MTR: variants seen among roughly 807,000 people sequenced by gnomAD.
The protein encoded by MTR is methionine synthase.
In MTR, 84 loss-of-function variants were observed where a neutral mutation model predicts 154.8. The ratio of observed to expected loss-of-function variants is 0.54; its 90% confidence interval spans 0.45 to 0.65. MTR has a LOEUF of 0.65. MTR is among the 30% of genes least tolerant of loss of function. MTR has a pLI of 0.00. For synonymous variants in MTR, 554 were observed against 553.9 expected (o/e 1.00, Z 0.00); for missense variants, 1,275 against 1,570.2 (o/e 0.81, Z 3.18).
intron 29 of MTR, among the ~76,000 whole-genome samples, chr1:236,892,825 C>T (rs1666405950): frequency 6.6e-6 from 1 of 152,198 alleles, no homozygotes; most frequent in Non-Finnish European, 1.5e-5. Context: ...TCTTTCAAGT[C>T]CTGTGTCCTC....
At chr1:236,795,285 T>G (rs756526361), upstream of MTR, 139 of 1,201,300 alleles carry the variant, frequency 1.2e-4, no homozygotes, top group Non-Finnish European at 1.4e-4. Context: ...GAGGATAGAT[T>G]GAGCGCAGAA....
intron 22 of MTR, 39 bp from the exon 23 acceptor site, chr1:236,873,734 C>T: frequency 6.4e-7 from 1 of 1,551,500 alleles, no homozygotes; most frequent in South Asian, 1.1e-5. Flanking sequence ...CTCTAATGGG[C>T]TTTCATTAAT....
intron 28 of MTR, among the ~76,000 whole-genome samples, chr1:236,890,785 T>C (rs751111493): frequency 3.9e-5 from 6 of 152,200 alleles, no homozygotes; most frequent in Non-Finnish European, 7.3e-5. Context: ...TGGAGTTGTA[T>C]GTGCACGAGG....
chr1:236,796,251 A>G (rs1660382668), intron 1 of MTR, among the ~76,000 whole-genome samples: 2 of 152,222 alleles, frequency 1.3e-5, no homozygotes, highest in African/African-American at 4.8e-5. Context: ...TAGACTCACT[A>G]TGTTAAAATA....
chr1:236,824,926 G>C (rs969877801), intron 9 of MTR, among the ~76,000 whole-genome samples: 1 of 152,150 alleles, frequency 6.6e-6, no homozygotes, highest in African/African-American at 2.4e-5. Flanking sequence ...AAGGAGACTG[G>C]TTGATTTTTG....
In MTR at chr1:236,899,567, G is replaced by T. The variant is rs1019865692; in HGVS notation, c.*1923G>T. 6.6e-6 allele frequency: 1 copy of T among 152,108 alleles called. No individual in the cohort carries two copies. Among genetic ancestry groups the T allele is most frequent in the East Asian group, 1.9e-4 (1 of 5,198 alleles). The allele number at this position is 152,108 out of a possible 1,614,324, so 9.4% of individuals were successfully genotyped here. A position where few individuals can be genotyped will look rare whatever the true frequency, so the allele number is the denominator to read the frequency against. On this transcript the variant is annotated 3_prime_UTR_variant, in exon 33 of 33. Coordinates refer to ENST00000366577, the MANE Select transcript of MTR (RefSeq NM_000254.3). ...AAAAAGCAAAAATTGTCAGTGTTTG[G>T]ATGAAAAAAGCCTTAGGGCAGGAAA...
At chr1:236,842,563 C>CT (rs1481976573) in intron 15 of MTR, among the ~76,000 whole-genome samples, 1 of 151,860 alleles carries the variant, frequency 6.6e-6, no homozygotes, top group Non-Finnish European at 1.5e-5. Flanking sequence ...TCCTGAAGGT[C>CT]TTTTTTTGTT....
intron 13 of MTR, 101 bp downstream of exon 13, chr1:236,832,179 G>C (rs1662652360): frequency 2.1e-6 from 2 of 969,266 alleles, no homozygotes; most frequent in African/African-American, 3.2e-5. Flanking sequence ...TATTAGCAGA[G>C]CTGCTAGAAA....
At chr1:236,853,712 G>C (rs1664047567) in intron 18 of MTR, among the ~76,000 whole-genome samples, 1 of 152,120 alleles carries the variant, frequency 6.6e-6, no homozygotes, top group African/African-American at 2.4e-5. Flanking sequence ...ACTGTTCCAT[G>C]TTTTGGTTTG....
chr1:236,887,298 A>G (rs74914233), intron 27 of MTR, among the ~76,000 whole-genome samples: 4,922 of 152,238 alleles, frequency 0.032, 253 homozygotes, highest in African/African-American at 0.11. Context: ...AGAATGCCAT[A>G]TTGGGAGCCT....
At chr1:236,846,897 G>GT (rs1187135930) in intron 15 of MTR, among the ~76,000 whole-genome samples, 4 of 151,330 alleles carry the variant, frequency 2.6e-5, no homozygotes, top group Admixed American at 6.6e-5. Context: ...TTTTGTTTTT[G>GT]TTTTTTTGAG....
At chr1:236,803,716 G>C (rs2103014479) in intron 2 of MTR, 74 bp downstream of exon 2, 1 of 1,395,570 alleles carries the variant, frequency 7.2e-7, no homozygotes, top group East Asian at 2.3e-5. Context: ...AGGGCAGGCT[G>C]CTATGCCGAG....
At chr1:236,867,577 C>T (rs1237775980) in intron 22 of MTR, among the ~76,000 whole-genome samples, 2 of 152,092 alleles carry the variant, frequency 1.3e-5, no homozygotes, top group African/African-American at 4.8e-5. Flanking sequence ...CTGTAGCTGC[C>T]ATAGATAGTG....
At position 236,874,752 on chromosome 1, in the gene MTR, A is replaced by C; in HGVS notation, c.2500A>C (p.Thr834Pro). The change falls in exon 24 of 33, where the codon ACT becomes CCT. Residue 834 changes from threonine to proline, a missense_variant. Thr to Pro is a conservative substitution (Grantham distance 38). Coordinates refer to ENST00000366577, the MANE Select transcript of MTR (RefSeq NM_000254.3). Reference sequence around the variant, plus strand: ...TATAATTGGCCTGTCAGGACTCATCACTCCTTCCCTGGATGAAATGATTTT... The same window carrying C: ...TATAATTGGCCTGTCAGGACTCATCCCTCCTTCCCTGGATGAAATGATTTT... ...ADIIGLSGLI[T>P]PSLDEMIFVA... is the part of the protein sequence containing the mutation. 6.2e-7 allele frequency: 1 copy of C among 1,609,838 alleles called. No homozygotes were observed. Among genetic ancestry groups the C allele is most frequent in the Non-Finnish European group, 8.5e-7 (1 of 1,177,984 alleles).
intron 9 of MTR, among the ~76,000 whole-genome samples, 178 bp from the exon 10 acceptor site, chr1:236,825,160 G>GT (rs1338214598): frequency 6.4e-5 from 4 of 62,238 alleles, no homozygotes; most frequent in African/African-American, 6.9e-5. Context: ...TTTTTTTTTA[G>GT]TTTTTTGGGG....
Position 236,897,905 on chromosome 1 carries a change from A to G in MTR, c.*261A>G. On this transcript the variant is annotated 3_prime_UTR_variant, in exon 33 of 33. Coordinates refer to ENST00000366577, the MANE Select transcript of MTR (RefSeq NM_000254.3). Reference sequence around the variant, plus strand: ...CTGTGGTTTCCCTGGTCCCTCTGAGATGGGGACAGACTGAAGACAGAGGTC... The same window carrying G: ...CTGTGGTTTCCCTGGTCCCTCTGAGGTGGGGACAGACTGAAGACAGAGGTC... 2.0e-6 allele frequency: 1 copy of G among 498,560 alleles called. No homozygotes were observed. The highest frequency in any genetic ancestry group is 2.3e-5 in the South Asian group (1 of 43,928). The allele number at this position is 498,560 out of a possible 1,614,324, so 30.9% of individuals were successfully genotyped here. A position where few individuals can be genotyped will look rare whatever the true frequency, so the allele number is the denominator to read the frequency against.
At chr1:236,813,769 G>A (rs1307617127) in intron 6 of MTR, among the ~76,000 whole-genome samples, 2 of 152,042 alleles carry the variant, frequency 1.3e-5, no homozygotes, top group East Asian at 1.9e-4. Flanking sequence ...TCAATAATAA[G>A]TAGCAGCTCC....
chr1:236,796,715 C>T (rs1335919556), intron 1 of MTR, among the ~76,000 whole-genome samples: 3 of 148,234 alleles, frequency 2.0e-5, no homozygotes, highest in African/African-American at 5.0e-5. Context: ...TATAAACCTC[C>T]CTATGAGAGG....
intron 32 of MTR, 125 bp downstream of exon 32, chr1:236,897,243 G>A: frequency 2.5e-6 from 2 of 811,732 alleles, no homozygotes; most frequent in Non-Finnish European, 4.2e-6. Flanking sequence ...TCCAGTTAAT[G>A]TCTTAATTTG....
Sources: allele counts gnomAD v4.1 joint callset (sites outside exome capture counted in the v4.1 genomes callset), GRCh38; gene constraint gnomAD v4.1.1; transcripts MANE v1.5; gene names NCBI Gene and HGNC (gene_info 2026-07-23, HGNC 2026-07-21).